Variants in RIT2 observed in about 807,000 individuals in gnomAD.
The protein encoded by RIT2 is GTP-binding protein Rit2.
Under a neutral mutation model 23.7 loss-of-function variants are expected in RIT2, and 24 were observed. The ratio of observed to expected loss-of-function variants is 1.01; its 90% CI spans 0.73 to 1.43. The LOEUF (loss-of-function observed/expected upper bound fraction) is 1.43. Among genes scored for constraint, RIT2 ranks in the 40% most tolerant of loss-of-function variants. RIT2 has a pLI of 0.00. For missense variants in RIT2, 236 were observed against 266.9 expected (o/e 0.88, Z 0.81); for synonymous variants, 107 against 91.1 (o/e 1.17, Z -0.99).
intron 4 of RIT2, among the ~76,000 whole-genome samples, chr18:42,834,712 A>C (rs938762776): frequency 6.6e-6 from 1 of 152,210 alleles, no homozygotes; most frequent in Non-Finnish European, 1.5e-5. Flanking sequence ...AAACAGTTGA[A>C]AAATATTTAA....
rs182383590 is a variant in RIT2 at position 43,087,427 on chromosome 18, A to G, written c.103+27990T>C. On this transcript the variant is annotated intron_variant, in intron 1 of 4. Coordinates refer to ENST00000326695, the MANE Select transcript of RIT2 (RefSeq NM_002930.4). ...TAATATAACTAATCTTCAAGATAAT[A>G]GATAATCCTGGGAGGCACCTCAGCA... Among the ~76,000 whole-genome samples the G allele has an allele frequency of 6.6e-3, 1,012 of 152,216 alleles. 13 individuals are homozygous for G. The highest frequency in any genetic ancestry group is 0.023 in the African/African-American group (955 of 41,548).
chr18:42,953,165 C>A lies in RIT2; in HGVS notation c.234+20909G>T, dbSNP rs559523866. On this transcript the variant is annotated intron_variant, in intron 3 of 4. Coordinates refer to ENST00000326695, the MANE Select transcript of RIT2 (RefSeq NM_002930.4). ...TTCTCTTTTTGTCTTTGTGATCATGCAAATTTTAGTATTTTAATATCATTT... is the reference window on the plus strand; with the variant it reads ...TTCTCTTTTTGTCTTTGTGATCATGAAAATTTTAGTATTTTAATATCATTT... Among the ~76,000 whole-genome samples, 4 of 152,016 alleles carry A rather than the reference C, an allele frequency of 2.6e-5. No individual in the cohort carries two copies. In the South Asian group the frequency reaches 8.3e-4, roughly 32 times the overall value.
chr18:42,788,586 G>A (rs1157321229), intron 4 of RIT2, among the ~76,000 whole-genome samples: 1 of 152,152 alleles, frequency 6.6e-6, no homozygotes, highest in African/African-American at 2.4e-5. Context: ...TTTCAAAAAT[G>A]AGATTCATTA....
intron 4 of RIT2, among the ~76,000 whole-genome samples, chr18:42,766,465 GA>G (rs1404605203): frequency 3.3e-5 from 5 of 152,182 alleles, no homozygotes; most frequent in Non-Finnish European, 5.9e-5. Context: ...TCTGGTGGAA[GA>G]AATTTCTAAG....
At chr18:42,797,406 ATCTCTT>A (rs369238288) in intron 4 of RIT2, among the ~76,000 whole-genome samples, 38 of 152,278 alleles carry the variant, frequency 2.5e-4, no homozygotes, top group African/African-American at 9.1e-4. Flanking sequence ...CCAAAATTTT[ATCTCTT>A]TCTATCTTAT....
intron 4 of RIT2, among the ~76,000 whole-genome samples, chr18:42,818,394 T>C (rs371687594): frequency 5.1e-4 from 77 of 152,020 alleles, no homozygotes; most frequent in African/African-American, 1.6e-3. Flanking sequence ...TTCTGAGAAA[T>C]TGAAAGATAG....
At chr18:42,884,597 G>T (rs1395114907) in intron 4 of RIT2, among the ~76,000 whole-genome samples, 1 of 152,138 alleles carries the variant, frequency 6.6e-6, no homozygotes, top group Non-Finnish European at 1.5e-5. Context: ...AGAGGTGTTT[G>T]TTTGAACTTA....
At chr18:42,973,553 T>A (rs1389754173) in intron 3 of RIT2, among the ~76,000 whole-genome samples, 1 of 152,004 alleles carries the variant, frequency 6.6e-6, no homozygotes. Context: ...ATTTTAGTTC[T>A]ATTTTTATGT....
chr18:42,770,851 A>T (rs1399259419), intron 4 of RIT2, among the ~76,000 whole-genome samples: 1 of 152,090 alleles, frequency 6.6e-6, no homozygotes, highest in African/African-American at 2.4e-5. Flanking sequence ...AGGGAAAAAA[A>T]GGAAAGGACT....
chr18:42,851,782 G>A (rs1179537887), intron 4 of RIT2, among the ~76,000 whole-genome samples: 4 of 152,092 alleles, frequency 2.6e-5, no homozygotes, highest in African/African-American at 4.8e-5. Context: ...CCCAGGAGGC[G>A]GGGGTTGTGT....
chr18:43,070,289 T>C (rs2144334315), intron 1 of RIT2, among the ~76,000 whole-genome samples: 1 of 152,280 alleles, frequency 6.6e-6, no homozygotes, highest in African/African-American at 2.4e-5. Context: ...CCTGAAAGCT[T>C]AAGAATGTAA....
intron 1 of RIT2, among the ~76,000 whole-genome samples, chr18:43,097,106 A>G (rs1427081611): frequency 6.6e-6 from 1 of 151,948 alleles, no homozygotes; most frequent in East Asian, 1.9e-4. Flanking sequence ...AAGCAGCATC[A>G]TGTAGACTAG....
chr18:43,099,934 G>C (rs976369475), intron 1 of RIT2, among the ~76,000 whole-genome samples: 1 of 152,000 alleles, frequency 6.6e-6, no homozygotes, highest in Non-Finnish European at 1.5e-5. Context: ...GGCAAGGCTG[G>C]TATTATTTTC....
At chr18:42,846,670 G>A (rs1792223848) in intron 4 of RIT2, among the ~76,000 whole-genome samples, 1 of 151,942 alleles carries the variant, frequency 6.6e-6, no homozygotes, top group Admixed American at 6.6e-5. Flanking sequence ...TTTGTGAACA[G>A]AAGAAGGAAG....
At chr18:43,105,136 G>T (rs1056441478) in intron 1 of RIT2, among the ~76,000 whole-genome samples, 19 of 137,970 alleles carry the variant, frequency 1.4e-4, no homozygotes, top group South Asian at 9.2e-4. Context: ...GTGTGTTTGT[G>T]TGTGTGTGTG....
intron 4 of RIT2, among the ~76,000 whole-genome samples, chr18:42,894,481 C>T (rs990132951): frequency 1.3e-5 from 2 of 152,068 alleles, no homozygotes; most frequent in African/African-American, 4.8e-5. Flanking sequence ...ATTAGTAGAA[C>T]AACACTTAAT....
intron 4 of RIT2, among the ~76,000 whole-genome samples, chr18:42,764,850 A>C (rs999510877): frequency 6.6e-6 from 1 of 152,232 alleles, no homozygotes; most frequent in Non-Finnish European, 1.5e-5. Flanking sequence ...TTAAAACAAA[A>C]GTTTGCTTAA....
intron 4 of RIT2, among the ~76,000 whole-genome samples, chr18:42,825,133 C>T (rs1040029128): frequency 2.0e-5 from 3 of 151,568 alleles, no homozygotes; most frequent in Non-Finnish European, 4.4e-5. Context: ...TAATGGTCAC[C>T]TCAGGTTTGT....
At chr18:43,000,976 G>A (rs1332518326) in intron 2 of RIT2, among the ~76,000 whole-genome samples, 1 of 152,048 alleles carries the variant, frequency 6.6e-6, no homozygotes, top group South Asian at 2.1e-4. Context: ...TGGGAAAGCA[G>A]AAATATCTGC....
Sources: allele counts gnomAD v4.1 joint callset (sites outside exome capture counted in the v4.1 genomes callset), GRCh38; gene constraint gnomAD v4.1.1; transcripts MANE v1.5; gene names NCBI Gene and HGNC (gene_info 2026-07-23, HGNC 2026-07-21).